SARNP: variants seen among roughly 807,000 people sequenced by gnomAD.
The protein encoded by SARNP is SAP domain containing ribonucleoprotein.
In SARNP, 5 loss-of-function variants were observed where a neutral mutation model predicts 38.1. That is an observed-to-expected ratio of 0.13 (90% confidence interval 0.07 to 0.28). The LOEUF (loss-of-function observed/expected upper bound fraction) is 0.28, where lower values mean the gene tolerates loss of function less well. Ranked by LOEUF, SARNP falls within the 10% of genes least tolerant of loss-of-function variation. The pLI is 1.00. For synonymous variants in SARNP, 84 were observed against 80.6 expected (o/e 1.04, Z -0.23); for missense variants, 180 against 243.9 (o/e 0.74, Z 1.75).
At chr12:55,807,408 G>T (rs1458593006) in intron 1 of SARNP, among the ~76,000 whole-genome samples, 2 of 151,916 alleles carry the variant, frequency 1.3e-5, no homozygotes, top group East Asian at 3.9e-4. Flanking sequence ...GGTGGCTTAT[G>T]CTTACAATTC....
intron 1 of SARNP, among the ~76,000 whole-genome samples, chr12:55,804,027 A>C (rs1056662128): frequency 6.6e-6 from 1 of 152,142 alleles, no homozygotes; most frequent in Non-Finnish European, 1.5e-5. Flanking sequence ...AAATATTCTG[A>C]GGGGGGAAAA....
intron 9 of SARNP, among the ~76,000 whole-genome samples, chr12:55,767,707 C>T (rs1878880209): frequency 6.6e-6 from 1 of 151,506 alleles, no homozygotes; most frequent in South Asian, 2.1e-4. Flanking sequence ...ATTAGCCAGG[C>T]ATGGTGGCGG....
At chr12:55,809,466 A>C (rs868580370) in intron 1 of SARNP, among the ~76,000 whole-genome samples, 13 of 151,440 alleles carry the variant, frequency 8.6e-5, no homozygotes, top group African/African-American at 2.7e-4. Context: ...AACAAAAAAA[A>C]CCAGCTAGGT....
intron 9 of SARNP, among the ~76,000 whole-genome samples, chr12:55,781,633 T>A (rs1041499526): frequency 6.6e-6 from 1 of 151,870 alleles, no homozygotes; most frequent in Non-Finnish European, 1.5e-5. Context: ...CTACCAACGG[T>A]GATAAAAAAT....
intron 7 of SARNP, among the ~76,000 whole-genome samples, 153 bp from the exon 8 acceptor site, chr12:55,790,745 G>A (rs1879643377): frequency 6.6e-6 from 1 of 152,214 alleles, no homozygotes; most frequent in South Asian, 2.1e-4. Flanking sequence ...TGCATTCACT[G>A]CTAGCAGGAA....
At chr12:55,767,352 C>T (rs777787196) in intron 9 of SARNP, among the ~76,000 whole-genome samples, 5 of 151,318 alleles carry the variant, frequency 3.3e-5, no homozygotes, top group African/African-American at 4.9e-5. Context: ...TCAAGACCAA[C>T]CTGGGCAACA....
intron 2 of SARNP, among the ~76,000 whole-genome samples, chr12:55,802,353 G>A (rs931765910): frequency 2.0e-5 from 3 of 151,738 alleles, no homozygotes; most frequent in Non-Finnish European, 2.9e-5. Context: ...TATACTATTA[G>A]TATATAGGAT....
At chr12:55,765,263 G>A (rs1878794378) in intron 9 of SARNP, among the ~76,000 whole-genome samples, 1 of 152,168 alleles carries the variant, frequency 6.6e-6, no homozygotes, top group East Asian at 1.9e-4. Context: ...CTTGGAATGT[G>A]CGGGCCAGTT....
At chr12:55,764,531 C>CA (rs1046165926) in intron 9 of SARNP, among the ~76,000 whole-genome samples, 1,059 of 65,116 alleles carry the variant, frequency 0.016, 12 homozygotes, top group African/African-American at 0.043. Context: ...AACTCCATTT[C>CA]AAAAAAAAAA....
Position 55,800,607 on chromosome 12 carries a change from T to G in SARNP, c.206A>C (p.Glu69Ala). The G allele has an allele frequency of 6.2e-7, 1 of 1,612,144 alleles. No individual in the cohort carries two copies. The highest frequency in any genetic ancestry group is 8.5e-7 in the Non-Finnish European group (1 of 1,179,218). Residue 69 changes from glutamate to alanine, a missense_variant, in exon 4 of 11, where the codon GAG (glutamate) becomes GCG (alanine). Physicochemically the swap from Glu to Ala is moderately radical, Grantham distance 107. Transcript: ENST00000336133. Reference sequence around the variant, plus strand: ...GGGTTCTTCCTCTTTGACAGGGAGCTCAATGGGCTTTGTTTCTTCTTCCTA... The same window carrying G: ...GGGTTCTTCCTCTTTGACAGGGAGCGCAATGGGCTTTGTTTCTTCTTCCTA... ...ETEEEETKPIELPVKEEEPPE... is the reference protein window; with the variant it reads ...ETEEEETKPIALPVKEEEPPE...
chr12:55,767,889 C>T (rs996522108), intron 9 of SARNP, among the ~76,000 whole-genome samples: 1 of 145,442 alleles, frequency 6.9e-6, no homozygotes, highest in African/African-American at 2.6e-5. Flanking sequence ...CACACACACA[C>T]ACAAATACAA....
chr12:55,801,897 A>G (rs1208250426), intron 2 of SARNP, among the ~76,000 whole-genome samples: 2 of 152,222 alleles, frequency 1.3e-5, no homozygotes, highest in Admixed American at 6.5e-5. Flanking sequence ...AGTTACAGGC[A>G]TGAACCACCC....
rs56311724 is a variant in SARNP, at chr12:55,775,555, C to CAA, written c.501+13518_501+13519dup. 3.4e-4 allele frequency among the ~76,000 whole-genome samples: 41 copies of CAA among 120,880 alleles called. No individual in the cohort carries two copies. The South Asian group carries it at 6.4e-3, about 19-fold the overall frequency. 79.3% of individuals were successfully genotyped at this position (120,880 alleles called of 152,430 possible). On this transcript the variant is annotated intron_variant, in intron 9 of 10. Transcript: ENST00000336133. The stretch of plus-strand genomic sequence containing the variant: ...AAAAAAAAAAAACAAAAAACAAAAA[C>CAA]AAAAAAAAAAAACTATGAAAAAAAG...
chr12:55,796,089 G>A lies in SARNP; in HGVS notation c.252-13C>T, dbSNP rs771292437. The stretch of plus-strand genomic sequence containing the variant: ...CTTCTCTGCTGCCCTAGAAAAGAAA[G>A]AGATTTTTTAAAATGAGAAAACTGA... On this transcript the variant is annotated splice_polypyrimidine_tract_variant and intron_variant, in intron 4 of 10. Coordinates refer to ENST00000336133, the MANE Select transcript of SARNP (RefSeq NM_033082.4). The A allele has an allele frequency of 8.2e-6, 13 of 1,594,688 alleles. No individual in the cohort carries two copies. In the South Asian group the frequency reaches 1.4e-4, roughly 18 times the overall value.
At chr12:55,770,434 T>C (rs182850180) in intron 9 of SARNP, among the ~76,000 whole-genome samples, 1 of 150,770 alleles carries the variant, frequency 6.6e-6, no homozygotes, top group East Asian at 1.9e-4. Context: ...AGAGACGGGT[T>C]TACACCGTGT....
intron 1 of SARNP, among the ~76,000 whole-genome samples, chr12:55,814,923 T>G (rs1414313095): frequency 2.6e-5 from 4 of 152,146 alleles, no homozygotes; most frequent in Non-Finnish European, 5.9e-5. Flanking sequence ...CCTCAGAAAT[T>G]TGCTGTTGAT....
At chr12:55,755,230 A>C (rs1406768780), downstream of SARNP, 2 of 151,974 alleles carry the variant, frequency 1.3e-5, no homozygotes, top group African/African-American at 2.4e-5. Context: ...GCTCAACACC[A>C]AGAAGTCCTG....
intron 10 of SARNP, among the ~76,000 whole-genome samples, chr12:55,759,142 A>C (rs986209429): frequency 1.3e-5 from 2 of 152,124 alleles, no homozygotes; most frequent in African/African-American, 4.8e-5. Context: ...CTGCTCTCCT[A>C]AAGTGCTGGG....
At chr12:55,766,740 A>C (rs1302517312) in intron 9 of SARNP, among the ~76,000 whole-genome samples, 1 of 149,870 alleles carries the variant, frequency 6.7e-6, no homozygotes, top group Non-Finnish European at 1.5e-5. Flanking sequence ...TTCTTACCTC[A>C]GCCTTCCAAG....
Sources: allele counts gnomAD v4.1 joint callset (sites outside exome capture counted in the v4.1 genomes callset), GRCh38; gene constraint gnomAD v4.1.1; transcripts MANE v1.5; gene names NCBI Gene and HGNC (gene_info 2026-07-23, HGNC 2026-07-21).